The following PCDHA12 variants were observed in gnomAD, a reference collection of about 807,000 sequenced individuals.
PCDHA12 encodes protocadherin alpha 12, also known as protocadherin alpha-12.
Under a neutral mutation model 60.0 loss-of-function variants are expected in PCDHA12, and 44 were observed. That is an observed-to-expected ratio of 0.73 (90% CI 0.58 to 0.94). The LOEUF (loss-of-function observed/expected upper bound fraction) is 0.94, where lower values mean the gene tolerates loss of function less well. PCDHA12 is among the 40% of genes least tolerant of loss of function. The pLI, the probability that PCDHA12 is intolerant of heterozygous loss-of-function variation, is 0.00. For missense variants in PCDHA12, 1,276 were observed against 1,239.7 expected, an observed-to-expected ratio of 1.03 and a Z score of -0.44; for synonymous variants, 569 against 553.0, an observed-to-expected ratio of 1.03 and a Z score of -0.40.
intron 1 of PCDHA12, among the ~76,000 whole-genome samples, chr5:140,947,681 C>T (rs976876831): frequency 3.3e-5 from 5 of 151,572 alleles, no homozygotes; most frequent in Non-Finnish European, 5.9e-5. Context: ...AAAAAATTGT[C>T]TCAGCATGTT....
intron 1 of PCDHA12, among the ~76,000 whole-genome samples, chr5:140,937,865 T>C (rs1056873213): frequency 2.0e-5 from 3 of 149,988 alleles, no homozygotes; most frequent in Non-Finnish European, 2.9e-5. Context: ...TGAGCCGAGA[T>C]CGCGCCACTG....
intron 1 of PCDHA12, chr5:140,928,862 G>A (rs1554206427): frequency 1.2e-6 from 2 of 1,614,166 alleles, no homozygotes; most frequent in Admixed American, 1.7e-5. Context: ...GTGCTGTTGA[G>A]CAACTCTGTC....
chr5:140,889,893 C>A (rs1275511475), intron 1 of PCDHA12, among the ~76,000 whole-genome samples: 2 of 152,158 alleles, frequency 1.3e-5, no homozygotes, highest in Admixed American at 1.3e-4. Flanking sequence ...AGAATTCTGA[C>A]TACCTTGAGA....
intron 1 of PCDHA12, among the ~76,000 whole-genome samples, chr5:140,881,608 C>T (rs1254695632): frequency 6.6e-6 from 1 of 152,154 alleles, no homozygotes; most frequent in Non-Finnish European, 1.5e-5. Flanking sequence ...ATATGATGTG[C>T]TTATTCAAAA....
chr5:140,921,705 G>C (rs2080339656), intron 1 of PCDHA12, among the ~76,000 whole-genome samples: 1 of 152,042 alleles, frequency 6.6e-6, no homozygotes, highest in Non-Finnish European at 1.5e-5. Context: ...ATTTTAAACA[G>C]TAAACACACG....
At position 140,977,766 on chromosome 5, in the gene PCDHA12, G is replaced by C. The variant is rs559146656; in HGVS notation, c.2368-1183G>C. ...AAGAAATGTGTTTATTAAATACTTTGCATCCCTTAAAGGAACTATATGAAT... is the reference window on the plus strand; with the variant it reads ...AAGAAATGTGTTTATTAAATACTTTCCATCCCTTAAAGGAACTATATGAAT... On this transcript the variant is annotated intron_variant, in intron 1 of 3. Coordinates refer to ENST00000398631, the MANE Select transcript of PCDHA12 (RefSeq NM_018903.4). Among the ~76,000 whole-genome samples, 3 of 152,272 alleles carry C rather than the reference G, an allele frequency of 2.0e-5. No homozygotes were observed. In the South Asian group the frequency reaches 6.2e-4, roughly 32 times the overall value.
intron 1 of PCDHA12, among the ~76,000 whole-genome samples, chr5:140,904,500 T>C (rs1454204932): frequency 6.6e-6 from 1 of 151,976 alleles, no homozygotes; most frequent in African/African-American, 2.4e-5. Flanking sequence ...ATTTTTACAA[T>C]TGTGAATTGT....
At chr5:140,885,274 AT>A (rs2153409165) in intron 1 of PCDHA12, among the ~76,000 whole-genome samples, 1 of 152,248 alleles carries the variant, frequency 6.6e-6, no homozygotes, top group South Asian at 2.1e-4. Context: ...ATACATATAT[AT>A]ATACATATAT....
chr5:140,961,037 A>C (rs1222978592), intron 1 of PCDHA12, among the ~76,000 whole-genome samples: 2 of 152,188 alleles, frequency 1.3e-5, no homozygotes, highest in African/African-American at 4.8e-5. Flanking sequence ...CCTTGTTTTG[A>C]GTCATTAACA....
chr5:140,948,889 AT>A (rs1263260325), intron 1 of PCDHA12, among the ~76,000 whole-genome samples: 2 of 151,468 alleles, frequency 1.3e-5, no homozygotes, highest in Non-Finnish European at 3.0e-5. Flanking sequence ...TCTCTTTTAG[AT>A]TTTAAGTGGA....
At chr5:140,916,603 G>A (rs782815026) in intron 1 of PCDHA12, among the ~76,000 whole-genome samples, 4 of 152,152 alleles carry the variant, frequency 2.6e-5, no homozygotes, top group South Asian at 2.1e-4. Flanking sequence ...CCTGGAATGC[G>A]GGCCTCATGA....
intron 1 of PCDHA12, chr5:140,883,364 A>T (rs782725621): frequency 6.2e-7 from 1 of 1,614,168 alleles, no homozygotes; most frequent in African/African-American, 1.3e-5. Context: ...CACTCAGCCT[A>T]GCGCCATTAT....
Position 140,941,322 on chromosome 5 carries a change from T to C in PCDHA12, c.2368-37627T>C, listed in dbSNP as rs1340835610. Among the ~76,000 whole-genome samples the C allele has an allele frequency of 3.4e-5, 5 of 145,550 alleles. No individual in the cohort carries two copies. The East Asian group carries it at 6.0e-4, about 17-fold the overall frequency. The stretch of plus-strand genomic sequence containing the variant: ...TTTCTTTCTTTTTCTTCTTTCTCTT[T>C]TTTTTTTTTTTTCAGATGGAGTCTT... On this transcript the variant is annotated intron_variant, in intron 1 of 3. Coordinates refer to ENST00000398631, the MANE Select transcript of PCDHA12 (RefSeq NM_018903.4).
chr5:140,915,389 G>T (rs1382922139), intron 1 of PCDHA12, among the ~76,000 whole-genome samples: 5 of 152,078 alleles, frequency 3.3e-5, no homozygotes, highest in African/African-American at 4.8e-5. Context: ...TGAAGAGCTA[G>T]GTATTTCTTA....
intron 1 of PCDHA12, among the ~76,000 whole-genome samples, chr5:140,955,134 C>T (rs868995724): frequency 3.3e-5 from 5 of 152,022 alleles, no homozygotes; most frequent in African/African-American, 1.2e-4. Context: ...CTGGTCTACA[C>T]GTCTGTTTTT....
chr5:140,882,299 C>T (rs781797969), intron 1 of PCDHA12: 33 of 1,613,690 alleles, frequency 2.0e-5, no homozygotes, highest in Non-Finnish European at 2.7e-5. Flanking sequence ...AGGCCCAAGA[C>T]CGCGGCAACT....
chr5:140,888,748 T>C (rs782271029), intron 1 of PCDHA12, among the ~76,000 whole-genome samples: 13 of 152,122 alleles, frequency 8.5e-5, no homozygotes, highest in Admixed American at 7.9e-4. Flanking sequence ...GGAATTATTC[T>C]ACCCACTTTT....
intron 3 of PCDHA12, among the ~76,000 whole-genome samples, chr5:141,003,556 A>G (rs1183434751): frequency 6.6e-6 from 1 of 152,034 alleles, no homozygotes; most frequent in Non-Finnish European, 1.5e-5. Flanking sequence ...CAAGTGATCC[A>G]CCTGCCTCAG....
intron 1 of PCDHA12, among the ~76,000 whole-genome samples, chr5:140,916,133 G>A (rs2077446110): frequency 6.6e-6 from 1 of 152,114 alleles, no homozygotes; most frequent in Non-Finnish European, 1.5e-5. Flanking sequence ...AAGCTTAAGG[G>A]CTGTTCAGTT....
Sources: gnomAD v4.1 joint callset for allele counts (sites outside exome capture counted in the v4.1 genomes callset) on GRCh38, gnomAD v4.1.1 for gene constraint, MANE v1.5 for transcripts, NCBI Gene and HGNC (gene_info 2026-07-23, HGNC 2026-07-21) for gene names.